OR3A2: variants seen among roughly 807,000 people sequenced by gnomAD.
OR3A2 encodes olfactory receptor family 3 subfamily A member 2.
For synonymous variants in OR3A2, 126 were observed against 159.3 expected (o/e 0.79, Z 1.57); for missense variants, 318 against 392.8 (o/e 0.81, Z 1.61).
At chr17:3,320,696 C>T (rs1221883774) in intron 3 of OR3A2, among the ~76,000 whole-genome samples, 1 of 151,794 alleles carries the variant, frequency 6.6e-6, no homozygotes, top group African/African-American at 2.4e-5. Flanking sequence ...TGTAGATAGG[C>T]GGCATTATTT....
At chr17:3,347,318 T>A (rs1265760762) in intron 2 of OR3A2, among the ~76,000 whole-genome samples, 1 of 152,182 alleles carries the variant, frequency 6.6e-6, no homozygotes, top group Admixed American at 6.5e-5. Context: ...TATGTATACA[T>A]GTGCCATTCT....
intron 1 of OR3A2, among the ~76,000 whole-genome samples, chr17:3,384,252 T>C (rs1473257861): frequency 1.3e-5 from 2 of 152,178 alleles, no homozygotes; most frequent in African/African-American, 4.8e-5. Flanking sequence ...AGAGATTAAA[T>C]GGGGGACAAA....
At chr17:3,371,383 C>T (rs1427896468) in intron 2 of OR3A2, among the ~76,000 whole-genome samples, 1 of 149,332 alleles carries the variant, frequency 6.7e-6, no homozygotes, top group Non-Finnish European at 1.5e-5. Context: ...CTGACCCCCC[C>T]ACCTCCCTCC....
At chr17:3,310,085 C>T in intron 3 of OR3A2, 1 of 314,182 alleles carries the variant, frequency 3.2e-6, no homozygotes, top group Non-Finnish European at 6.3e-6. Context: ...TGAGTCTGTC[C>T]AATGCCACTC....
At chr17:3,318,007 TTAGTTAAGCAGCAAC>T (rs2049091597) in intron 3 of OR3A2, among the ~76,000 whole-genome samples, 1 of 152,150 alleles carries the variant, frequency 6.6e-6, no homozygotes. Flanking sequence ...TTTTGGCGTT[TTAGTTAAGCAGCAAC>T]TCACTGATAA....
chr17:3,322,171 T>C (rs1454566584), intron 3 of OR3A2, among the ~76,000 whole-genome samples: 1 of 152,212 alleles, frequency 6.6e-6, no homozygotes, highest in East Asian at 1.9e-4. Context: ...GAGGTGTTTA[T>C]AGTATTCTCT....
intron 3 of OR3A2, among the ~76,000 whole-genome samples, chr17:3,315,155 C>T (rs538833232): frequency 1.1e-4 from 17 of 152,204 alleles, no homozygotes; most frequent in South Asian, 6.2e-4. Context: ...CATATAAGTG[C>T]GTGTGTCTTT....
Position 3,289,732 on chromosome 17 carries a change from A to G in OR3A2, c.-84-10579T>C, listed in dbSNP as rs1445092465. On this transcript the variant is annotated intron_variant, in intron 3 of 4. Transcript: ENST00000573491. ...AGAACAGACCCAGAGGAACTCATCA[A>G]CTTATTCAAGGTCAAGCGTGTCGTG... Among the ~76,000 whole-genome samples, 3 of 152,202 alleles carry G rather than the reference A, an allele frequency of 2.0e-5. No homozygotes were observed. In the South Asian group the frequency reaches 6.2e-4, roughly 32 times the overall value.
chr17:3,373,424 A>G (rs2049650724), intron 2 of OR3A2, among the ~76,000 whole-genome samples: 3 of 151,720 alleles, frequency 2.0e-5, no homozygotes, highest in Admixed American at 2.0e-4. Flanking sequence ...ATTGCCATCT[A>G]TCTCATTTCT....
chr17:3,320,655 G>T (rs186768911), intron 3 of OR3A2, among the ~76,000 whole-genome samples: 8 of 151,616 alleles, frequency 5.3e-5, no homozygotes, highest in Admixed American at 2.0e-4. Context: ...CCATTGCTTG[G>T]TTTTCTCAGG....
At chr17:3,348,203 C>T (rs143336675) in intron 2 of OR3A2, among the ~76,000 whole-genome samples, 23,012 of 151,920 alleles carry the variant, frequency 0.15, 2,320 homozygotes, top group African/African-American at 0.28. Flanking sequence ...GTTGCCTGTT[C>T]ACTCTGATGG....
chr17:3,370,780 G>A (rs1188927215), intron 2 of OR3A2, among the ~76,000 whole-genome samples: 20 of 151,482 alleles, frequency 1.3e-4, no homozygotes, highest in Admixed American at 2.6e-4. Flanking sequence ...GCGGCCTTCC[G>A]CAGTGTTTGT....
intron 2 of OR3A2, among the ~76,000 whole-genome samples, chr17:3,343,126 A>G (rs887378720): frequency 5.3e-5 from 8 of 152,148 alleles, no homozygotes; most frequent in Non-Finnish European, 1.2e-4. Context: ...TGCAGTATCT[A>G]GGTTGCAGTG....
rs965460738 is a variant in OR3A2, at chr17:3,352,626, T to C, written c.-178-16500A>G. On this transcript the variant is annotated intron_variant, in intron 2 of 4. Transcript: ENST00000573491. ...GTTTATATGTCTGTTTCTATGCCAG[T>C]ACCATGCTGTTTTGGTTACTATAGC... 5.9e-5 allele frequency among the ~76,000 whole-genome samples: 9 copies of C among 152,188 alleles called. 1 individual carries two copies. The South Asian group carries it at 1.7e-3, about 28-fold the overall frequency.
intron 2 of OR3A2, among the ~76,000 whole-genome samples, chr17:3,356,933 A>T (rs2049469769): frequency 6.6e-6 from 1 of 151,690 alleles, no homozygotes. Context: ...TTGAAACTTA[A>T]GGGCCATGAT....
upstream of OR3A2, among the ~76,000 whole-genome samples, chr17:3,288,246 CAAAAAA>C: frequency 1.8e-4 from 13 of 73,490 alleles, no homozygotes; most frequent in Admixed American, 4.2e-4. Flanking sequence ...ACCAAAAGGG[CAAAAAA>C]AAAAAAAAAA....
Position 3,292,681 on chromosome 17 carries a change from C to T in OR3A2, c.-84-13528G>A, listed in dbSNP as rs145885575. ...AACAGACCCCCTTCTACTTGCCCGG[C>T]CCTCTGCCACGTTCCCTCTGTACAA... On this transcript the variant is annotated intron_variant, in intron 3 of 4. Transcript: ENST00000573491. The T allele has an allele frequency of 4.7e-5, 49 of 1,040,746 alleles. No homozygotes were observed. In the East Asian group the frequency reaches 5.2e-4, roughly 11 times the overall value. The allele number at this position is 1,040,746 out of a possible 1,614,324, so 64.5% of individuals were successfully genotyped here. A position where few individuals can be genotyped will look rare whatever the true frequency, so the allele number is the denominator to read the frequency against.
intron 2 of OR3A2, among the ~76,000 whole-genome samples, chr17:3,369,634 A>G (rs1042906153): frequency 6.6e-6 from 1 of 152,130 alleles, no homozygotes; most frequent in Admixed American, 6.5e-5. Context: ...TCAGTTAGCT[A>G]GTATTTTGTT....
intron 2 of OR3A2, among the ~76,000 whole-genome samples, chr17:3,343,840 T>C (rs1300947746): frequency 6.6e-6 from 1 of 152,152 alleles, no homozygotes; most frequent in East Asian, 1.9e-4. Context: ...TGGCAGAAGA[T>C]AACTCCATCT....
Sources: allele counts gnomAD v4.1 joint callset (sites outside exome capture counted in the v4.1 genomes callset), GRCh38; gene constraint gnomAD v4.1.1; transcripts MANE v1.5; gene names NCBI Gene and HGNC (gene_info 2026-07-23, HGNC 2026-07-21).